Variants in DCP1A observed in about 807,000 individuals in gnomAD.
DCP1A encodes the protein decapping mRNA 1A.
DCP1A carries 20 observed loss-of-function variants against 58.0 expected under a neutral mutation model. That is an observed-to-expected ratio of 0.34 (90% CI 0.24 to 0.50). The LOEUF (loss-of-function observed/expected upper bound fraction) is 0.50, where lower values mean the gene tolerates loss of function less well. Among genes scored for constraint, DCP1A ranks in the 20% least tolerant of loss-of-function variants. The pLI, the probability that DCP1A is intolerant of heterozygous loss-of-function variation, is 0.98. For missense variants in DCP1A, 613 were observed against 712.2 expected (o/e 0.86, Z 1.59); for synonymous variants, 285 against 275.1 (o/e 1.04, Z -0.36).
chr3:53,322,846 C>G (rs1299772833), intron 3 of DCP1A, among the ~76,000 whole-genome samples: 1 of 150,178 alleles, frequency 6.7e-6, no homozygotes, highest in African/African-American at 2.5e-5. Context: ...TGGAGTCTCA[C>G]TGTCACCCAG....
chr3:53,292,037 C>T, intron 7 of DCP1A, 32 bp downstream of exon 7: 1 of 1,573,612 alleles, frequency 6.4e-7, no homozygotes, highest in Non-Finnish European at 8.6e-7. Flanking sequence ...TACAGTTACC[C>T]ACTCTGCCCA....
intron 7 of DCP1A, 78 bp downstream of exon 7, chr3:53,291,991 T>C: frequency 6.9e-7 from 1 of 1,459,806 alleles, no homozygotes; most frequent in Non-Finnish European, 9.1e-7. Context: ...TCATGACAGT[T>C]AAAACCAAGG....
At chr3:53,293,710 G>A (rs1252179753) in intron 6 of DCP1A, among the ~76,000 whole-genome samples, 7 of 152,188 alleles carry the variant, frequency 4.6e-5, no homozygotes, top group African/African-American at 1.4e-4. Context: ...GCTTCAGAAA[G>A]TCTGTAAGGC....
At position 53,285,054 on chromosome 3, in the gene DCP1A, GC is replaced by G. The variant is rs1203480115; in HGVS notation, c.*2525del. 6.6e-6 allele frequency: 1 copy of G among 152,196 alleles called. No homozygotes were observed. Among genetic ancestry groups the G allele is most frequent in the Admixed American group, 6.6e-5 (1 of 15,264 alleles). The allele number at this position is 152,196 out of a possible 1,614,324, so 9.4% of individuals were successfully genotyped here. A position where few individuals can be genotyped will look rare whatever the true frequency, so the allele number is the denominator to read the frequency against. On this transcript the variant is annotated 3_prime_UTR_variant, in exon 10 of 10. Transcript: ENST00000610213. ...AAGAGCAGCACCACCCACCAGTGGT[GC>G]CCCAGACACACCTCTCCTCCAAGCT...
At position 53,292,487 on chromosome 3, in the gene DCP1A, A is replaced by C. The variant is rs781910025; in HGVS notation, c.965T>G (p.Leu322Arg). The change falls in exon 7 of 10, where the codon CTG becomes CGG. Residue 322 changes from leucine to arginine, a missense_variant. Transcript: ENST00000610213. ...CTGTGCAGTAGGAGCTTCAGCTGGC[A>C]GAGTGGGACTGAGAACAGGGCTCAA... ...IPLSPVLSPT[L>R]PAEAPTAQVP... 10 of 1,613,906 alleles carry C rather than the reference A, an allele frequency of 6.2e-6. No homozygotes were observed. The highest frequency in any genetic ancestry group is 1.6e-4 in the Middle Eastern group (1 of 6,084).
intron 6 of DCP1A, among the ~76,000 whole-genome samples, chr3:53,293,934 G>GCA (rs200514730): frequency 1.5e-4 from 23 of 151,766 alleles, no homozygotes; most frequent in Non-Finnish European, 2.4e-4. Context: ...CCGGACCCCC[G>GCA]CACACACACA....
intron 6 of DCP1A, among the ~76,000 whole-genome samples, chr3:53,302,062 G>C (rs1707327349): frequency 6.6e-6 from 1 of 152,166 alleles, no homozygotes; most frequent in Non-Finnish European, 1.5e-5. Context: ...TTAGCATCTT[G>C]ACTGTGGTAG....
At chr3:53,304,078 C>T in intron 6 of DCP1A, 99 bp downstream of exon 6, 1 of 836,784 alleles carries the variant, frequency 1.2e-6, no homozygotes, top group Non-Finnish European at 1.9e-6. Flanking sequence ...ACATTTGAAC[C>T]TTGACACAAC....
At chr3:53,340,138 T>C (rs528156440) in intron 3 of DCP1A, among the ~76,000 whole-genome samples, 1 of 152,304 alleles carries the variant, frequency 6.6e-6, no homozygotes, top group African/African-American at 2.4e-5. Context: ...TTGCCCAGGC[T>C]GGTCTCAAAC....
intron 4 of DCP1A, among the ~76,000 whole-genome samples, chr3:53,318,748 A>G (rs1278107370): frequency 6.6e-6 from 1 of 152,236 alleles, no homozygotes; most frequent in African/African-American, 2.4e-5. Flanking sequence ...GTCACAAAAA[A>G]TCTTCTGGAA....
At position 53,290,528 on chromosome 3, in the gene DCP1A, C is replaced by A. The variant is rs570631923; in HGVS notation, c.1449+263G>T. 2.4e-5 allele frequency: 14 copies of A among 594,476 alleles called. No homozygotes were observed. In the East Asian group the frequency reaches 2.5e-4, roughly 11 times the overall value. The allele number at this position is 594,476 out of a possible 1,614,324, so 36.8% of individuals were successfully genotyped here. On this transcript the variant is annotated intron_variant, in intron 8 of 9. Transcript: ENST00000610213. ...GGGAGAGGACCTGGCCTAGGAAAGG[C>A]ATCTAAGATGTGCTGGGCTCCATAG...
chr3:53,286,829 T>C lies in DCP1A; in HGVS notation c.*751A>G, dbSNP rs1264929189. On this transcript the variant is annotated 3_prime_UTR_variant, in exon 10 of 10. Coordinates refer to ENST00000610213, the MANE Select transcript of DCP1A (RefSeq NM_018403.7). The stretch of plus-strand genomic sequence containing the variant: ...TGGAGAGTTTAACCTAAAATGAAGA[T>C]TTGATAGGATGTGGGCATTCCCAGC... 6.6e-6 allele frequency: 1 copy of C among 152,186 alleles called. No individual in the cohort carries two copies. The highest frequency in any genetic ancestry group is 1.5e-5 in the Non-Finnish European group (1 of 68,040). 9.4% of individuals were successfully genotyped at this position (152,186 alleles called of 1,614,324 possible). A position where few individuals can be genotyped will look rare whatever the true frequency, so the allele number is the denominator to read the frequency against.
chr3:53,342,196 T>C lies in DCP1A; in HGVS notation c.252A>G (p.Lys84=). ...GTTCATGGAGCTGAAATTCCAAATC[T>C]TTATTCACTGGTTCAACTAGATTGT... ...NMHNLVEPVN[K]DLEFQLHEPF... is the part of the protein sequence containing the mutation. The change falls in exon 3 of 10, where the codon AAA becomes AAG. Residue 84 remains lysine, a synonymous_variant. Coordinates refer to ENST00000610213, the MANE Select transcript of DCP1A (RefSeq NM_018403.7). 6.2e-7 allele frequency: 1 copy of C among 1,604,444 alleles called. No individual in the cohort carries two copies. Among genetic ancestry groups the C allele is most frequent in the Non-Finnish European group, 8.5e-7 (1 of 1,174,292 alleles).
At position 53,290,431 on chromosome 3, in the gene DCP1A, T is replaced by C. The variant is rs548259879; in HGVS notation, c.1449+360A>G. Among the ~76,000 whole-genome samples, 6 of 151,834 alleles carry C rather than the reference T, an allele frequency of 4.0e-5. No individual in the cohort carries two copies. In the South Asian group the frequency reaches 1.3e-3, roughly 32 times the overall value. ...CCCACCGTGCCCTCTACACACACAG[T>C]CAGGGAAGATATCCATGCAGACGCC... On this transcript the variant is annotated intron_variant, in intron 8 of 9. Coordinates refer to ENST00000610213, the MANE Select transcript of DCP1A (RefSeq NM_018403.7).
intron 1 of DCP1A, among the ~76,000 whole-genome samples, chr3:53,345,377 T>C (rs1553693043): frequency 1.3e-5 from 2 of 152,176 alleles, no homozygotes; most frequent in African/African-American, 4.8e-5. Context: ...GGATACTTTG[T>C]TTCATCACTA....
intron 3 of DCP1A, among the ~76,000 whole-genome samples, chr3:53,340,549 A>G (rs1553692411): frequency 6.6e-6 from 1 of 152,080 alleles, no homozygotes; most frequent in East Asian, 1.9e-4. Context: ...TCTATTTTAT[A>G]CTGAAGACAT....
Position 53,287,500 on chromosome 3 carries a change from T to G in DCP1A, c.*80A>C. 2 of 920,314 alleles carry G rather than the reference T, an allele frequency of 2.2e-6. No homozygotes were observed. The highest frequency in any genetic ancestry group is 3.5e-6 in the Non-Finnish European group (2 of 568,540). 57.0% of individuals were successfully genotyped at this position (920,314 alleles called of 1,614,324 possible). A position where few individuals can be genotyped will look rare whatever the true frequency, so the allele number is the denominator to read the frequency against. On this transcript the variant is annotated 3_prime_UTR_variant, in exon 10 of 10. Transcript: ENST00000610213. ...TCAATTTCAGGATTCTCAAACTCAA[T>G]GTTCTGCTCAGAAGTTTCCATGATG... is the stretch of plus-strand genomic sequence containing the variant.
chr3:53,318,922 T>G (rs997761563), intron 4 of DCP1A, among the ~76,000 whole-genome samples: 4 of 152,198 alleles, frequency 2.6e-5, no homozygotes, highest in African/African-American at 9.6e-5. Flanking sequence ...AAATCAGAGT[T>G]GCTGTATATG....
intron 2 of DCP1A, among the ~76,000 whole-genome samples, chr3:53,343,449 C>A (rs1417272111): frequency 6.6e-6 from 1 of 152,168 alleles, no homozygotes; most frequent in African/African-American, 2.4e-5. Context: ...TACACTAAAT[C>A]TCCTACTTTC....
Sources: gnomAD v4.1 joint callset for allele counts (sites outside exome capture counted in the v4.1 genomes callset) on GRCh38, gnomAD v4.1.1 for gene constraint, MANE v1.5 for transcripts, NCBI Gene and HGNC (gene_info 2026-07-23, HGNC 2026-07-21) for gene names.